SERF2: variants seen among roughly 807,000 people sequenced by gnomAD.
SERF2 encodes the protein gastric cancer-related protein VRG107.
In SERF2, 4 loss-of-function variants were observed where a neutral mutation model predicts 10.7. That is an observed-to-expected ratio of 0.37 (90% CI 0.18 to 0.86). SERF2 has a LOEUF of 0.86. Among genes scored for constraint, SERF2 ranks in the 40% least tolerant of loss-of-function variants. SERF2 has a pLI of 0.43. For synonymous variants in SERF2, 26 were observed against 26.0 expected (o/e 1.00, Z 0.01); for missense variants, 47 against 79.1 (o/e 0.59, Z 1.54).
chr15:43,792,947 C>T (rs1405418510), intron 1 of SERF2, 28 bp from the exon 2 acceptor site: 6 of 1,521,690 alleles, frequency 3.9e-6, no homozygotes, highest in Admixed American at 3.7e-5. Flanking sequence ...GCGGCCCCCG[C>T]GTCTCACCTT....
chr15:43,779,664 A>T (rs943890109), intron 1 of SERF2, among the ~76,000 whole-genome samples: 5 of 151,780 alleles, frequency 3.3e-5, no homozygotes, highest in Admixed American at 6.6e-5. Context: ...GCAATTTTTT[A>T]AATTTTTTGT....
At chr15:43,783,636 G>T (rs762483923) in intron 1 of SERF2, among the ~76,000 whole-genome samples, 1 of 151,598 alleles carries the variant, frequency 6.6e-6, no homozygotes, top group Admixed American at 6.6e-5. Context: ...ATTTTGCCCT[G>T]TTGCCCAGGC....
chr15:43,791,462 C>G (rs1464403361), upstream of SERF2, among the ~76,000 whole-genome samples: 3 of 152,060 alleles, frequency 2.0e-5, no homozygotes, highest in Non-Finnish European at 4.4e-5. Flanking sequence ...GTCTCGAACT[C>G]CTGACCTTCT....
intron 1 of SERF2, among the ~76,000 whole-genome samples, chr15:43,782,359 A>T (rs1404609453): frequency 6.6e-6 from 1 of 152,170 alleles, no homozygotes; most frequent in Non-Finnish European, 1.5e-5. Flanking sequence ...CACTTACCAT[A>T]TTATGTTCAC....
At chr15:43,783,810 G>A (rs928224392) in intron 1 of SERF2, among the ~76,000 whole-genome samples, 85 of 151,492 alleles carry the variant, frequency 5.6e-4, no homozygotes, top group African/African-American at 1.9e-3. Flanking sequence ...CGTCCAGGCT[G>A]GAGTGTGGTG....
intron 1 of SERF2, 68 bp from the exon 2 acceptor site, chr15:43,792,907 G>T (rs1454666904): frequency 1.7e-6 from 2 of 1,152,286 alleles, no homozygotes; most frequent in Admixed American, 4.1e-5. Flanking sequence ...GGCCGCGCTG[G>T]GGTAGAAGGG....
At chr15:43,781,304 C>T (rs1375870599) in intron 1 of SERF2, among the ~76,000 whole-genome samples, 1 of 152,094 alleles carries the variant, frequency 6.6e-6, no homozygotes, top group African/African-American at 2.4e-5. Context: ...CCTGTGATCC[C>T]AGCACTTTGG....
In SERF2 at chr15:43,783,813, G is replaced by C. The variant is rs528939561; in HGVS notation, c.-526-1597G>C. ...ATCTTCCTCTGTCGTCCAGGCTGGA[G>C]TGTGGTGACGTGATCTTGGCTCACT... On this transcript the variant is annotated intron_variant, in intron 1 of 4. Coordinates refer to the SERF2 transcript ENST00000381359. Among the ~76,000 whole-genome samples, 5 of 151,464 alleles carry C rather than the reference G, an allele frequency of 3.3e-5. No homozygotes were observed. The South Asian group carries it at 1.0e-3, about 32-fold the overall frequency.
upstream of SERF2, among the ~76,000 whole-genome samples, chr15:43,788,919 G>A (rs1443583668): frequency 6.6e-6 from 1 of 152,106 alleles, no homozygotes; most frequent in South Asian, 2.1e-4. Context: ...GGAGGCTGAG[G>A]TGGGCGGATC....
In SERF2 at chr15:43,795,155, C is replaced by A. The variant is rs769788389; in HGVS notation, c.*1382C>A. On this transcript the variant is annotated 3_prime_UTR_variant, in exon 3 of 3. Coordinates refer to ENST00000249786, the MANE Select transcript of SERF2 (RefSeq NM_001018108.4). ...CAGGCCCAGCATGAGGCAACCTTGA[C>A]CCAGAAGGTGGCCCAGCTACCCTTG... is the stretch of plus-strand genomic sequence containing the variant. The A allele has an allele frequency of 6.8e-6, 11 of 1,614,008 alleles. No individual in the cohort carries two copies. The highest frequency in any genetic ancestry group is 1.7e-6 in the Non-Finnish European group (2 of 1,180,026).
At chr15:43,788,611 A>G (rs548335700), upstream of SERF2, among the ~76,000 whole-genome samples, 2 of 152,292 alleles carry the variant, frequency 1.3e-5, no homozygotes, top group South Asian at 2.1e-4. Context: ...GTTGCCTGTG[A>G]TAGTCTCCTG....
upstream of SERF2, among the ~76,000 whole-genome samples, chr15:43,790,232 A>C (rs4923965): frequency 0.81 from 123,277 of 151,724 alleles, 50,404 homozygotes; most frequent in East Asian, 1. Context: ...TCGCTTGAAT[A>C]CAAGATGGTG....
chr15:43,783,625 A>T (rs2086981904), intron 1 of SERF2, among the ~76,000 whole-genome samples: 1 of 150,984 alleles, frequency 6.6e-6, no homozygotes, highest in Non-Finnish European at 1.5e-5. Context: ...TAAGAGACAG[A>T]ATTTTGCCCT....
chr15:43,788,737 C>T (rs539092227), upstream of SERF2, among the ~76,000 whole-genome samples: 12 of 152,300 alleles, frequency 7.9e-5, no homozygotes, highest in East Asian at 2.3e-3. Context: ...CTCTCAGCTC[C>T]ACCCCTTATT....
rs1256020842 is a variant in SERF2 at position 43,795,769 on chromosome 15, T to A, written c.*1996T>A. The A allele has an allele frequency of 6.2e-7, 1 of 1,606,656 alleles. No homozygotes were observed. Among genetic ancestry groups the A allele is most frequent in the East Asian group, 2.2e-5 (1 of 44,766 alleles). ...ACAGAACGCAGGTTTTGGAATGGTC[T>A]TAAAAGATGTGAGGGTGTTAATCTA... On this transcript the variant is annotated 3_prime_UTR_variant, in exon 3 of 3. Coordinates refer to ENST00000249786, the MANE Select transcript of SERF2 (RefSeq NM_001018108.4).
rs1278740268 is a variant in SERF2, at chr15:43,795,055, A to T, written c.*1282A>T. 2 of 1,613,090 alleles carry T rather than the reference A, an allele frequency of 1.2e-6. No homozygotes were observed. The highest frequency in any genetic ancestry group is 1.7e-6 in the Non-Finnish European group (2 of 1,179,938). ...TATGATGCGGTGGCGGCGGCGCCTC[A>T]AGATAAGGGGCTGGGGTTTCTGGGT... On this transcript the variant is annotated 3_prime_UTR_variant, in exon 3 of 3. Transcript: ENST00000249786.
At chr15:43,791,113 G>C (rs1268163670), upstream of SERF2, among the ~76,000 whole-genome samples, 4 of 150,886 alleles carry the variant, frequency 2.7e-5, no homozygotes, top group East Asian at 5.9e-4. Flanking sequence ...TCGCTCTGTC[G>C]CCCAGGCTAG....
chr15:43,796,047 GTAACAGCAGCTA>G lies in SERF2; in HGVS notation c.*2278_*2289del, dbSNP rs1294995402. The G allele has an allele frequency of 1.2e-6, 1 of 825,630 alleles. No homozygotes were observed. Among genetic ancestry groups the G allele is most frequent in the East Asian group, 2.4e-5 (1 of 41,262 alleles). The allele number at this position is 825,630 out of a possible 1,614,324, so 51.1% of individuals were successfully genotyped here. ...GCACATTGTGGGTACTCAATAAAAG[GTAACAGCAGCTA>G]TAATCTGAGCATTCTGGGTAGAGGT... On this transcript the variant is annotated 3_prime_UTR_variant, in exon 3 of 3. Transcript: ENST00000249786.
In SERF2 at chr15:43,795,028, G is replaced by A; in HGVS notation, c.*1255G>A. 3 of 1,607,084 alleles carry A rather than the reference G, an allele frequency of 1.9e-6. No individual in the cohort carries two copies. Among genetic ancestry groups the A allele is most frequent in the Non-Finnish European group, 2.6e-6 (3 of 1,176,270 alleles). On this transcript the variant is annotated 3_prime_UTR_variant, in exon 3 of 3. Transcript: ENST00000249786. Reference sequence around the variant, plus strand: ...GACTGGAGGATATTTGTTATCTGGGGATATGATGCGGTGGCGGCGGCGCCT... The same window carrying A: ...GACTGGAGGATATTTGTTATCTGGGAATATGATGCGGTGGCGGCGGCGCCT...
Sources: gnomAD v4.1 joint callset for allele counts (sites outside exome capture counted in the v4.1 genomes callset) on GRCh38, gnomAD v4.1.1 for gene constraint, MANE v1.5 for transcripts, NCBI Gene and HGNC (gene_info 2026-07-23, HGNC 2026-07-21) for gene names.